The following KCNN1 variants were observed in gnomAD, a reference collection of about 807,000 sequenced individuals.
The protein encoded by KCNN1 is small conductance calcium-activated potassium channel protein 1.
A neutral mutation model predicts 44.7 loss-of-function variants in KCNN1; 20 were observed. That is an observed-to-expected ratio of 0.45 (90% CI 0.32 to 0.65). The LOEUF (loss-of-function observed/expected upper bound fraction) is 0.65. Among genes scored for constraint, KCNN1 ranks in the 30% least tolerant of loss-of-function variants. The pLI is 0.05. For synonymous variants in KCNN1, 324 were observed against 341.7 expected (o/e 0.95, Z 0.57); for missense variants, 632 against 785.3 (o/e 0.80, Z 2.33).
chr19:17,987,015 C>T (rs1234581464), intron 5 of KCNN1, among the ~76,000 whole-genome samples: 1 of 151,778 alleles, frequency 6.6e-6, no homozygotes, highest in Non-Finnish European at 1.5e-5. Flanking sequence ...TCATGCTGGC[C>T]AGTCTGGTCT....
intron 2 of KCNN1, among the ~76,000 whole-genome samples, chr19:17,956,558 T>C (rs1276407859): frequency 2.2e-4 from 33 of 151,274 alleles, no homozygotes; most frequent in Admixed American, 2.2e-3. Flanking sequence ...GCCTGGGCAA[T>C]GTAGCAAGAA....
At chr19:17,957,829 A>C (rs546983961) in intron 2 of KCNN1, among the ~76,000 whole-genome samples, 2 of 152,160 alleles carry the variant, frequency 1.3e-5, no homozygotes, top group East Asian at 3.9e-4. Flanking sequence ...GCTGCTGTGG[A>C]GAGCAGGGCA....
intron 3 of KCNN1, among the ~76,000 whole-genome samples, chr19:17,979,427 C>G (rs1220802610): frequency 2.8e-5 from 3 of 105,768 alleles, no homozygotes; most frequent in African/African-American, 4.0e-5. Context: ...AGCGAGACTC[C>G]GTCTCAAAAA....
At position 17,985,393 on chromosome 19, in the gene KCNN1, C is replaced by G; in HGVS notation, c.999C>G (p.Tyr333Ter). 6.2e-7 allele frequency: 1 copy of G among 1,611,332 alleles called. No homozygotes were observed. The highest frequency in any genetic ancestry group is 8.5e-7 in the Non-Finnish European group (1 of 1,178,206). The change falls in exon 5 of 10, where the codon TAC (tyrosine) becomes TAG (stop). Residue 333 changes from tyrosine to a stop codon, truncating the protein, a stop_gained. Coordinates refer to ENST00000684775, the MANE Select transcript of KCNN1 (RefSeq NM_001386974.1). LOFTEE classifies it high-confidence loss of function. ...LISITFLSIG[Y>*]GDMVPHTYCG... Reference sequence around the variant, plus strand: ...CCATCACCTTCCTCTCCATTGGCTACGGCGACATGGTGCCCCACACCTACT... The same window carrying G: ...CCATCACCTTCCTCTCCATTGGCTAGGGCGACATGGTGCCCCACACCTACT...
intron 2 of KCNN1, among the ~76,000 whole-genome samples, chr19:17,958,307 C>G (rs1050890556): frequency 6.6e-6 from 1 of 151,790 alleles, no homozygotes; most frequent in African/African-American, 2.4e-5. Flanking sequence ...ATGGCAAGAC[C>G]CCATCTCTAC....
At chr19:17,970,289 A>ATTTTTTTTTTTTTTTTTTTTTT (rs71164333) in intron 1 of KCNN1, among the ~76,000 whole-genome samples, 1 of 56,864 alleles carries the variant, frequency 1.8e-5, no homozygotes, top group Non-Finnish European at 3.1e-5. Context: ...AGAAGGAATG[A>ATTTTTTTTTTTTTTTTTTTTTT]TTTTTTTTTT....
intron 7 of KCNN1, among the ~76,000 whole-genome samples, chr19:17,991,177 G>A (rs961190230): frequency 7.9e-5 from 12 of 152,016 alleles, no homozygotes; most frequent in African/African-American, 2.9e-4. Context: ...AAAGCGAGGC[G>A]TGGTGACTCA....
At chr19:17,970,289 A>ATTTTTTTTTT (rs71164333) in intron 1 of KCNN1, among the ~76,000 whole-genome samples, 4 of 56,930 alleles carry the variant, frequency 7.0e-5, no homozygotes, top group African/African-American at 7.4e-5. Context: ...AGAAGGAATG[A>ATTTTTTTTTT]TTTTTTTTTT....
intron 4 of KCNN1, 58 bp downstream of exon 4, chr19:17,982,185 C>A: frequency 7.5e-7 from 1 of 1,330,124 alleles, no homozygotes; most frequent in Non-Finnish European, 1.0e-6. Flanking sequence ...CCTGGACCTC[C>A]ATGCCCATTC....
chr19:17,978,032 T>G (rs2032263274), intron 3 of KCNN1, among the ~76,000 whole-genome samples: 1 of 152,008 alleles, frequency 6.6e-6, no homozygotes, highest in South Asian at 2.1e-4. Flanking sequence ...GGAAGTGTTC[T>G]GAAATTAGAT....
chr19:17,973,398 A>G (rs2032090133), intron 1 of KCNN1, among the ~76,000 whole-genome samples: 1 of 152,180 alleles, frequency 6.6e-6, no homozygotes, highest in Non-Finnish European at 1.5e-5. Context: ...CTTCTGCCTC[A>G]GCCTCCCACG....
rs985091034 is a variant in KCNN1 at position 17,974,668 on chromosome 19, C to T, written c.402+378C>T. On this transcript the variant is annotated intron_variant, in intron 2 of 9. Coordinates refer to ENST00000684775, the MANE Select transcript of KCNN1 (RefSeq NM_001386974.1). The surrounding 1 kb of genome is among the most constrained non-coding windows in gnomAD (Gnocchi z 7.3). ...AAGCCTGGCTGTGGGTTCCCTCATG[C>T]CACCTAGAATGTGTGAGGATGGAGA... 7.2e-5 allele frequency among the ~76,000 whole-genome samples: 11 copies of T among 152,182 alleles called. No individual in the cohort carries two copies. Among genetic ancestry groups the T allele is most frequent in the African/African-American group, 2.7e-4 (11 of 41,440 alleles).
At chr19:17,989,645 A>C in intron 6 of KCNN1, 71 bp from the exon 7 acceptor site, 1 of 1,605,938 alleles carries the variant, frequency 6.2e-7, no homozygotes, top group Non-Finnish European at 8.5e-7. Flanking sequence ...TTTCTGGAAG[A>C]TTCTAGACAT....
intron 1 of KCNN1, among the ~76,000 whole-genome samples, chr19:17,967,814 G>A (rs1015122848): frequency 2.0e-5 from 3 of 152,058 alleles, no homozygotes; most frequent in African/African-American, 7.2e-5. Context: ...CCAGCAGATG[G>A]GAGTTCCCGA....
chr19:17,958,178 G>C (rs1310458150), intron 2 of KCNN1, among the ~76,000 whole-genome samples: 2 of 152,058 alleles, frequency 1.3e-5, no homozygotes, highest in Non-Finnish European at 2.9e-5. Context: ...TGAGCACCCA[G>C]AATCTGGGGC....
At chr19:17,982,632 C>T (rs1294380557) in intron 4 of KCNN1, 3 of 971,790 alleles carry the variant, frequency 3.1e-6, no homozygotes, top group African/African-American at 1.8e-5. Flanking sequence ...CCACCGCTGC[C>T]GCCATCCCCG....
chr19:17,985,166 G>T (rs868288172), intron 4 of KCNN1, 146 bp from the exon 5 acceptor site: 8 of 646,236 alleles, frequency 1.2e-5, no homozygotes, highest in Non-Finnish European at 1.7e-5. Flanking sequence ...GAGAGGGTGC[G>T]CCTGTCCTGT....
chr19:17,960,399 G>C (rs545293902), intron 2 of KCNN1, among the ~76,000 whole-genome samples: 110 of 152,180 alleles, frequency 7.2e-4, no homozygotes, highest in South Asian at 1.2e-3. Context: ...GGAGGCCGAG[G>C]CGGGTGGATC....
Position 17,991,981 on chromosome 19 carries a change from G to A in KCNN1, c.1299-1073G>A, listed in dbSNP as rs1009917557. On this transcript the variant is annotated intron_variant, in intron 7 of 9. Transcript: ENST00000684775. ...ACAATGCTGTCCACTAGAATATCACGTGAGCAACATATATAATTTTAAATT... is the reference window on the plus strand; with the variant it reads ...ACAATGCTGTCCACTAGAATATCACATGAGCAACATATATAATTTTAAATT... 2.0e-4 allele frequency among the ~76,000 whole-genome samples: 30 copies of A among 152,230 alleles called. 1 individual carries two copies. The East Asian group carries it at 5.6e-3, about 28-fold the overall frequency.
Sources: allele counts gnomAD v4.1 joint callset (sites outside exome capture counted in the v4.1 genomes callset), GRCh38; gene constraint gnomAD v4.1.1; non-coding constraint Gnocchi (gnomAD v3.1); transcripts MANE v1.5; gene names NCBI Gene and HGNC (gene_info 2026-07-23, HGNC 2026-07-21).